Variants in MAGI2 observed in about 807,000 individuals in gnomAD.
MAGI2 encodes membrane-associated guanylate kinase, WW and PDZ domain-containing protein 2.
Under a neutral mutation model 133.3 loss-of-function variants are expected in MAGI2, and 35 were observed. The ratio of observed to expected loss-of-function variants is 0.26; its 90% CI spans 0.20 to 0.35. The LOEUF (loss-of-function observed/expected upper bound fraction) is 0.35. MAGI2 is among the 10% of genes least tolerant of loss of function. The pLI is 1.00. For synonymous variants in MAGI2, 729 were observed against 710.6 expected (o/e 1.03, Z -0.41); for missense variants, 1,636 against 1,863.4 (o/e 0.88, Z 2.25).
intron 1 of MAGI2, among the ~76,000 whole-genome samples, chr7:79,279,444 G>A (rs1378190214): frequency 6.6e-6 from 1 of 152,126 alleles, no homozygotes; most frequent in South Asian, 2.1e-4. Flanking sequence ...TAGAAGAGAC[G>A]TGGGGACTGC....
At chr7:79,024,361 A>G (rs1433046482) in intron 1 of MAGI2, among the ~76,000 whole-genome samples, 1 of 152,156 alleles carries the variant, frequency 6.6e-6, no homozygotes, top group Non-Finnish European at 1.5e-5. Context: ...TAAGTCTAAA[A>G]TCAAAAACTA....
intron 21 of MAGI2, among the ~76,000 whole-genome samples, chr7:78,049,430 G>T (rs1461605000): frequency 6.6e-6 from 1 of 152,190 alleles, no homozygotes; most frequent in African/African-American, 2.4e-5. Context: ...TTTACTTAGT[G>T]CTCCTACCTT....
At chr7:79,375,969 AT>A (rs888762793) in intron 1 of MAGI2, among the ~76,000 whole-genome samples, 1 of 151,740 alleles carries the variant, frequency 6.6e-6, no homozygotes, top group African/African-American at 2.4e-5. Flanking sequence ...TGTTGGTTTA[AT>A]TTTTTTTCTT....
chr7:78,632,745 G>C (rs1335268053), intron 2 of MAGI2, among the ~76,000 whole-genome samples: 2 of 152,158 alleles, frequency 1.3e-5, no homozygotes, highest in Non-Finnish European at 2.9e-5. Context: ...ATTTTTAAAA[G>C]AAGAAAATGA....
At chr7:78,425,010 G>C (rs938272718) in intron 6 of MAGI2, among the ~76,000 whole-genome samples, 27 of 152,252 alleles carry the variant, frequency 1.8e-4, no homozygotes, top group Non-Finnish European at 8.8e-5. Flanking sequence ...TTTGAAATGT[G>C]AGGACATGAG....
intron 2 of MAGI2, among the ~76,000 whole-genome samples, chr7:78,723,507 T>C (rs1203687298): frequency 6.6e-6 from 1 of 152,082 alleles, no homozygotes; most frequent in African/African-American, 2.4e-5. Context: ...GACAACATCA[T>C]GAAGGATGCA....
chr7:78,720,958 C>T (rs1316708735), intron 2 of MAGI2, among the ~76,000 whole-genome samples: 6 of 151,964 alleles, frequency 3.9e-5, no homozygotes, highest in Non-Finnish European at 7.4e-5. Flanking sequence ...TAAGGAGAAT[C>T]GCAACATAAT....
At position 79,260,489 on chromosome 7, in the gene MAGI2, T is replaced by C. The variant is rs539253265; in HGVS notation, c.301+192531A>G. ...AGCTATAAGAAGATAGGAATCTGCC[T>C]ATTATCAAAGAATTTAATGTTTCTG... On this transcript the variant is annotated intron_variant, in intron 1 of 21. Coordinates refer to ENST00000354212, the MANE Select transcript of MAGI2 (RefSeq NM_012301.4). Among the ~76,000 whole-genome samples, 7 of 152,314 alleles carry C rather than the reference T, an allele frequency of 4.6e-5. No individual in the cohort carries two copies. The South Asian group carries it at 6.2e-4, about 14-fold the overall frequency.
chr7:79,449,396 A>G (rs1849081692), intron 1 of MAGI2, among the ~76,000 whole-genome samples: 1 of 149,968 alleles, frequency 6.7e-6, no homozygotes, highest in South Asian at 2.1e-4. Flanking sequence ...GTGAGACCCT[A>G]AATGGGAAAA....
chr7:78,024,731 G>A (rs1276895798), intron 21 of MAGI2, among the ~76,000 whole-genome samples: 1 of 152,052 alleles, frequency 6.6e-6, no homozygotes, highest in Non-Finnish European at 1.5e-5. Flanking sequence ...TAAACCCTTG[G>A]GGATACTGTT....
At chr7:78,223,324 TAAAAA>T (rs375537425) in intron 10 of MAGI2, among the ~76,000 whole-genome samples, 1 of 150,982 alleles carries the variant, frequency 6.6e-6, no homozygotes, top group Admixed American at 6.6e-5. Context: ...CTTTCTGTAC[TAAAAA>T]AAAAGTGCTC....
chr7:78,247,516 T>C (rs1791925048), intron 10 of MAGI2, among the ~76,000 whole-genome samples: 1 of 152,062 alleles, frequency 6.6e-6, no homozygotes, highest in African/African-American at 2.4e-5. Context: ...CTCAGTGAGA[T>C]ACAAGAGAAT....
In MAGI2 at chr7:79,177,879, C is replaced by T. The variant is rs571205901; in HGVS notation, c.302-170673G>A. Among the ~76,000 whole-genome samples, 3 of 152,154 alleles carry T rather than the reference C, an allele frequency of 2.0e-5. No homozygotes were observed. The South Asian group carries it at 6.2e-4, about 32-fold the overall frequency. ...GAAAGGTCAGCCACGTTTTGTAATG[C>T]TTGCTATTTCACAGCGTGTATGCGG... On this transcript the variant is annotated intron_variant, in intron 1 of 21. Coordinates refer to ENST00000354212, the MANE Select transcript of MAGI2 (RefSeq NM_012301.4).
intron 2 of MAGI2, among the ~76,000 whole-genome samples, chr7:78,796,634 A>G (rs1787639234): frequency 6.6e-6 from 1 of 152,156 alleles, no homozygotes; most frequent in African/African-American, 2.4e-5. Flanking sequence ...CTGTGTATAT[A>G]TATTCAAAAG....
chr7:78,455,194 C>T (rs1789179572), intron 6 of MAGI2, among the ~76,000 whole-genome samples: 1 of 147,792 alleles, frequency 6.8e-6, no homozygotes, highest in Admixed American at 6.7e-5. Context: ...ATGGAACTCT[C>T]TGCACTTTCT....
intron 1 of MAGI2, among the ~76,000 whole-genome samples, chr7:79,116,358 T>A (rs1243306045): frequency 6.6e-6 from 1 of 152,138 alleles, no homozygotes; most frequent in Non-Finnish European, 1.5e-5. Context: ...AGCCTGTGCA[T>A]CAGCAAGTCA....
chr7:78,982,461 T>A (rs1804874942), intron 2 of MAGI2, among the ~76,000 whole-genome samples: 1 of 151,966 alleles, frequency 6.6e-6, no homozygotes, highest in Non-Finnish European at 1.5e-5. Context: ...TTAGTGATTA[T>A]TATCATCAAT....
chr7:78,384,109 G>C (rs1795171266), intron 6 of MAGI2, among the ~76,000 whole-genome samples: 1 of 151,706 alleles, frequency 6.6e-6, no homozygotes. Flanking sequence ...TGAAATTTAG[G>C]ATTTTTTCTA....
chr7:78,306,743 G>A (rs1798270458), intron 9 of MAGI2, among the ~76,000 whole-genome samples: 1 of 152,140 alleles, frequency 6.6e-6, no homozygotes, highest in Admixed American at 6.5e-5. Context: ...CATTTCACAT[G>A]TTCTCAATGG....
Sources: gnomAD v4.1 joint callset for allele counts (sites outside exome capture counted in the v4.1 genomes callset) on GRCh38, gnomAD v4.1.1 for gene constraint, MANE v1.5 for transcripts, NCBI Gene and HGNC (gene_info 2026-07-23, HGNC 2026-07-21) for gene names.